Variants in FOXM1 observed in about 807,000 individuals in gnomAD.
FOXM1 encodes the protein forkhead box protein M1.
In FOXM1, 25 loss-of-function variants were observed where a neutral mutation model predicts 63.6. The observed-to-expected ratio is 0.39, with a 90% CI of 0.29 to 0.55. FOXM1 has a LOEUF of 0.55. Among genes scored for constraint, FOXM1 ranks in the 20% least tolerant of loss-of-function variants. The pLI, the probability that FOXM1 is intolerant of heterozygous loss-of-function variation, is 0.60. For missense variants in FOXM1, 879 were observed against 958.7 expected (o/e 0.92, Z 1.10); for synonymous variants, 387 against 376.9 (o/e 1.03, Z -0.31).
At position 2,870,957 on chromosome 12, in the gene FOXM1, C is replaced by CAAAAA. The variant is rs11310343; in HGVS notation, c.654+1134_654+1138dup. ...TAGGAGACAGAGAAAGACTACGTCT[C>CAAAAA]AAAAAAAAAAAAAAAAAAAAAAAAA... On this transcript the variant is annotated intron_variant, in intron 3 of 8. Coordinates refer to ENST00000359843, the MANE Select transcript of FOXM1 (RefSeq NM_021953.4). 1.0e-3 allele frequency among the ~76,000 whole-genome samples: 39 copies of CAAAAA among 39,084 alleles called. 1 individual carries two copies. Among genetic ancestry groups the CAAAAA allele is most frequent in the African/African-American group, 2.5e-3 (28 of 11,240 alleles). The allele number at this position is 39,084 out of a possible 152,430, so 25.6% of individuals were successfully genotyped here.
chr12:2,861,499 T>C (rs753010660), intron 8 of FOXM1: 6 of 430,424 alleles, frequency 1.4e-5, no homozygotes, highest in Non-Finnish European at 2.0e-5. Context: ...GATTGGCAGA[T>C]ATTAAACAGA....
In FOXM1 at chr12:2,874,241, T is replaced by C; in HGVS notation, c.238A>G (p.Asn80Asp). The C allele has an allele frequency of 1.2e-6, 2 of 1,614,184 alleles. No homozygotes were observed. The highest frequency in any genetic ancestry group is 1.7e-6 in the Non-Finnish European group (2 of 1,180,038). Reference sequence around the variant, plus strand: ...ATGATGCTGTGAATATTAGCATTGTTGGGGATGGCCACTACTTGCGTGTTG... The same window carrying C: ...ATGATGCTGTGAATATTAGCATTGTCGGGGATGGCCACTACTTGCGTGTTG... ...MPNTQVVAIP[N>D]NANIHSIITA... The change falls in exon 2 of 9, where the codon AAC becomes GAC. Residue 80 changes from asparagine to aspartate, a missense_variant. This residue lies in a region of FOXM1 where 255 missense variants were observed against 292.4 expected (regional missense o/e 0.87). Coordinates refer to ENST00000359843, the MANE Select transcript of FOXM1 (RefSeq NM_021953.4). This position sits in a 1 kb window ranked among gnomAD's most constrained non-coding sequence, Gnocchi z 4.3.
In FOXM1 at chr12:2,864,834, C is replaced by T. The variant is rs951600700; in HGVS notation, c.1021-82G>A. On this transcript the variant is annotated intron_variant, in intron 6 of 8. Transcript: ENST00000359843. This position sits in a 1 kb window ranked among gnomAD's most constrained non-coding sequence, Gnocchi z 5.1. ...GGGGATGGCAAAACCCCACCAGCTGCTCTGGTGGTGTGTGCTTGAGTTAAT... is the reference window on the plus strand; with the variant it reads ...GGGGATGGCAAAACCCCACCAGCTGTTCTGGTGGTGTGTGCTTGAGTTAAT... 2.1e-6 allele frequency: 3 copies of T among 1,426,598 alleles called. No individual in the cohort carries two copies. The African/African-American group carries it at 4.2e-5, about 20-fold the overall frequency. 88.4% of individuals were successfully genotyped at this position (1,426,598 alleles called of 1,614,324 possible).
chr12:2,873,867 T>C (rs2098137468), intron 2 of FOXM1, 110 bp downstream of exon 2: 1 of 1,276,658 alleles, frequency 7.8e-7, no homozygotes, highest in South Asian at 1.5e-5. Context: ...GATGAGCCAC[T>C]GTGCTCGGCC....
chr12:2,868,307 C>T, intron 4 of FOXM1: 1 of 335,998 alleles, frequency 3.0e-6, no homozygotes, highest in Non-Finnish European at 5.3e-6. Flanking sequence ...TTGAGTGTAG[C>T]AGAAAAGTGG....
chr12:2,871,907 A>G (rs1440239481), intron 3 of FOXM1, among the ~76,000 whole-genome samples, 189 bp downstream of exon 3: 1 of 152,138 alleles, frequency 6.6e-6, no homozygotes, highest in Non-Finnish European at 1.5e-5. Context: ...CCCTCAAGGA[A>G]ATTTCACAGA....
chr12:2,870,371 A>AACT (rs1420800456), intron 3 of FOXM1, among the ~76,000 whole-genome samples: 1 of 152,198 alleles, frequency 6.6e-6, no homozygotes, highest in Non-Finnish European at 1.5e-5. Flanking sequence ...TCTCACTTAT[A>AACT]AGTAGGAACT....
chr12:2,872,338 A>C lies in FOXM1; in HGVS notation c.503-91T>G, dbSNP rs940183968. 5 of 1,357,636 alleles carry C rather than the reference A, an allele frequency of 3.7e-6. No individual in the cohort carries two copies. Among genetic ancestry groups the C allele is most frequent in the Non-Finnish European group, 4.2e-6 (4 of 963,756 alleles). 84.1% of individuals were successfully genotyped at this position (1,357,636 alleles called of 1,614,324 possible). ...AATTGGTGGCTAGCAGGCCGGGTGC[A>C]GTGGCTCACACCTGTAATCCTAGCA... On this transcript the variant is annotated intron_variant, in intron 2 of 8. Coordinates refer to ENST00000359843, the MANE Select transcript of FOXM1 (RefSeq NM_021953.4). This position sits in a 1 kb window ranked among gnomAD's most constrained non-coding sequence, Gnocchi z 4.0.
intron 8 of FOXM1, among the ~76,000 whole-genome samples, chr12:2,863,276 G>A (rs116029095): frequency 0.012 from 1,778 of 152,300 alleles, 37 homozygotes; most frequent in African/African-American, 0.04. Context: ...GAGAAACCCT[G>A]AGTTAGTCTG....
At position 2,868,675 on chromosome 12, in the gene FOXM1, A is replaced by G; in HGVS notation, c.734T>C (p.Ile245Thr). 6.2e-7 allele frequency: 1 copy of G among 1,613,978 alleles called. No homozygotes were observed. The highest frequency in any genetic ancestry group is 8.5e-7 in the Non-Finnish European group (1 of 1,179,934). ...CTCAGTGCTGTTGATGGCGAATTGT[A>G]TCATGGCCATGTAAGAGTAGGGTGG... is the stretch of plus-strand genomic sequence containing the variant. ...ERPPYSYMAM[I>T]QFAINSTERK... Residue 245 changes from isoleucine (I) to threonine (T), a missense_variant, in exon 4 of 9, where the codon ATA becomes ACA. Physicochemically the swap from Ile to Thr is moderately conservative, Grantham distance 89. Transcript: ENST00000359843.
At chr12:2,871,189 CT>C (rs1218926701) in intron 3 of FOXM1, among the ~76,000 whole-genome samples, 3 of 151,980 alleles carry the variant, frequency 2.0e-5, no homozygotes, top group Non-Finnish European at 2.9e-5. Context: ...CATGTACCCC[CT>C]GAACCTAAAA....
chr12:2,868,640 T>A lies in FOXM1; in HGVS notation c.769A>T (p.Met257Leu). 1.2e-6 allele frequency: 2 copies of A among 1,614,124 alleles called. No homozygotes were observed. Among genetic ancestry groups the A allele is most frequent in the Non-Finnish European group, 1.7e-6 (2 of 1,180,006 alleles). The change falls in exon 4 of 9, where the codon ATG becomes TTG. Residue 257 changes from methionine (M) to leucine (L), a missense_variant. Met to Leu is a conservative substitution (Grantham distance 15, BLOSUM62 2). Around this residue, in one of 4 missense-constraint regions of FOXM1, gnomAD observed 62 missense variants for 118.2 expected, o/e 0.52. Transcript: ENST00000359843. ...FAINSTERKR[M>L]TLKDIYTWIE... ...CACGTATAGATGTCTTTCAAAGTCA[T>A]GCGCTTCCTCTCAGTGCTGTTGATG... is the stretch of plus-strand genomic sequence containing the variant.
intron 3 of FOXM1, among the ~76,000 whole-genome samples, chr12:2,871,479 C>T (rs2098133163): frequency 6.6e-6 from 1 of 151,744 alleles, no homozygotes; most frequent in African/African-American, 2.4e-5. Flanking sequence ...AACCCCATCT[C>T]TACAAAAAAT....
intron 2 of FOXM1, among the ~76,000 whole-genome samples, chr12:2,873,095 C>T (rs893747942): frequency 6.6e-6 from 1 of 152,036 alleles, no homozygotes; most frequent in African/African-American, 2.4e-5. Flanking sequence ...CAGTTTTCTC[C>T]TTTATCAAGA....
At chr12:2,862,264 A>G (rs556447899) in intron 8 of FOXM1, among the ~76,000 whole-genome samples, 15 of 152,276 alleles carry the variant, frequency 9.9e-5, no homozygotes, top group Admixed American at 9.8e-4. Flanking sequence ...GTATGTGTAC[A>G]TATAAAATGG....
chr12:2,868,849 A>T, intron 3 of FOXM1, 95 bp from the exon 4 acceptor site: 1 of 957,472 alleles, frequency 1.0e-6, no homozygotes, highest in South Asian at 1.7e-5. Flanking sequence ...CCTTTATCCC[A>T]TAGGACGGTC....
chr12:2,863,314 C>T (rs1039064029), intron 8 of FOXM1, among the ~76,000 whole-genome samples: 7 of 152,196 alleles, frequency 4.6e-5, no homozygotes, highest in Admixed American at 1.3e-4. Flanking sequence ...CTGCCAGGTA[C>T]GAACTGCATT....
rs187068706 is a variant in FOXM1 at position 2,866,312 on chromosome 12, A to G, written c.975+81T>C. ...TCTCCCCTGATCAAATGAAAGCATC[A>G]CTAGCAGAACTTGTTTCCTTTTGAG... On this transcript the variant is annotated intron_variant, in intron 5 of 8. Transcript: ENST00000359843. The G allele has an allele frequency of 5.2e-5, 69 of 1,332,086 alleles. No homozygotes were observed. The East Asian group carries it at 1.7e-3, about 33-fold the overall frequency. 82.5% of individuals were successfully genotyped at this position (1,332,086 alleles called of 1,614,324 possible).
In FOXM1 at chr12:2,872,382, G is replaced by A. The variant is rs1014016423; in HGVS notation, c.503-135C>T. The A allele has an allele frequency of 9.8e-6, 8 of 817,324 alleles. No homozygotes were observed. In the Admixed American group the frequency reaches 2.0e-4, roughly 21 times the overall value. The allele number at this position is 817,324 out of a possible 1,614,324, so 50.6% of individuals were successfully genotyped here. A position where few individuals can be genotyped will look rare whatever the true frequency, so the allele number is the denominator to read the frequency against. On this transcript the variant is annotated intron_variant, in intron 2 of 8. Coordinates refer to ENST00000359843, the MANE Select transcript of FOXM1 (RefSeq NM_021953.4). The surrounding 1 kb of genome is among the most constrained non-coding windows in gnomAD (Gnocchi z 4.0). Reference sequence around the variant, plus strand: ...CCTAGCACTTTGGGAGGGCGAGGCGGGTGGATCTCCTGAGGTCAGGAGTTC... The same window carrying A: ...CCTAGCACTTTGGGAGGGCGAGGCGAGTGGATCTCCTGAGGTCAGGAGTTC...
Sources: allele counts gnomAD v4.1 joint callset (sites outside exome capture counted in the v4.1 genomes callset), GRCh38; gene constraint gnomAD v4.1.1; regional missense constraint gnomAD v4.1.1; non-coding constraint Gnocchi (gnomAD v3.1); transcripts MANE v1.5; gene names NCBI Gene and HGNC (gene_info 2026-07-23, HGNC 2026-07-21).